Variants in AKAP19 observed in about 807,000 individuals in gnomAD.
AKAP19 encodes the protein small A-kinase anchoring protein.
the AKAP19 span, among the ~76,000 whole-genome samples, chr2:190,067,368 A>G: frequency 2.6e-5 from 4 of 152,196 alleles, no homozygotes; most frequent in Admixed American, 1.3e-4. Context: ...TTGGAGAACC[A>G]TATGCCCAAA....
the AKAP19 span, among the ~76,000 whole-genome samples, chr2:190,023,501 G>A: frequency 1.3e-5 from 2 of 151,988 alleles, no homozygotes; most frequent in Non-Finnish European, 2.9e-5. Context: ...ACTATAGAAT[G>A]ATCCTTGTGC....
the AKAP19 span, among the ~76,000 whole-genome samples, chr2:189,906,902 CA>C: frequency 6.6e-6 from 1 of 152,108 alleles, no homozygotes; most frequent in African/African-American, 2.4e-5. Context: ...GTGAAGATAG[CA>C]GGGTACTAAG....
chr2:190,196,611 A>G, the AKAP19 span, among the ~76,000 whole-genome samples: 7 of 151,496 alleles, frequency 4.6e-5, no homozygotes, highest in African/African-American at 1.7e-4. Flanking sequence ...AGGCATTGTG[A>G]ATAATACCTT....
chr2:190,154,792 C>T, the AKAP19 span, among the ~76,000 whole-genome samples: 1 of 152,322 alleles, frequency 6.6e-6, no homozygotes, highest in East Asian at 1.9e-4. Flanking sequence ...ATAAACTTCA[C>T]TCTTAGGGAG....
At chr2:190,197,225 T>C in the AKAP19 span, among the ~76,000 whole-genome samples, 3 of 152,194 alleles carry the variant, frequency 2.0e-5, no homozygotes, top group Non-Finnish European at 4.4e-5. This position sits in a 1 kb window ranked among gnomAD's most constrained non-coding sequence, Gnocchi z 4.0. Context: ...CATAGCCCTT[T>C]AAGAAAACAC....
the AKAP19 span, among the ~76,000 whole-genome samples, chr2:190,190,196 A>C: frequency 6.6e-6 from 1 of 152,202 alleles, no homozygotes; most frequent in East Asian, 1.9e-4. Context: ...AATAGCCTAG[A>C]AAGTTATTTC....
the AKAP19 span, among the ~76,000 whole-genome samples, chr2:190,036,807 T>C: frequency 2.0e-5 from 3 of 152,218 alleles, no homozygotes; most frequent in Non-Finnish European, 4.4e-5. Flanking sequence ...CCCTTAAGCA[T>C]AACAGATTAA....
At chr2:189,908,617 G>A in the AKAP19 span, among the ~76,000 whole-genome samples, 1 of 152,028 alleles carries the variant, frequency 6.6e-6, no homozygotes, top group East Asian at 1.9e-4. Context: ...TGACTCATTG[G>A]TTGTTCAGGA....
chr2:190,159,520 G>T, the AKAP19 span, among the ~76,000 whole-genome samples: 1 of 152,178 alleles, frequency 6.6e-6, no homozygotes, highest in African/African-American at 2.4e-5. Flanking sequence ...GACTGCTAGA[G>T]TGTTGTGGTT....
chr2:189,984,367 T>C, the AKAP19 span, among the ~76,000 whole-genome samples: 3 of 152,196 alleles, frequency 2.0e-5, no homozygotes, highest in African/African-American at 4.8e-5. Context: ...AATTCAGCAA[T>C]ATTTCTCCCA....
chr2:190,164,548 G>A, the AKAP19 span, among the ~76,000 whole-genome samples: 3 of 151,840 alleles, frequency 2.0e-5, no homozygotes, highest in African/African-American at 7.3e-5. Context: ...AAATAAGTAA[G>A]TTAATTAATT....
the AKAP19 span, chr2:190,137,976 G>C: frequency 8.6e-5 from 1 of 11,676 alleles, no homozygotes; most frequent in Non-Finnish European, 3.5e-4. Flanking sequence ...AACTATAATG[G>C]AATATATGTC....
the AKAP19 span, among the ~76,000 whole-genome samples, chr2:190,070,624 CT>C: frequency 1.3e-4 from 18 of 137,108 alleles, no homozygotes; most frequent in Non-Finnish European, 1.7e-4. Context: ...TCCCCCCCCC[CT>C]TTTTTTTTGG....
At chr2:190,086,148 G>A in the AKAP19 span, among the ~76,000 whole-genome samples, 97,469 of 152,056 alleles carry the variant, frequency 0.64, 34,248 homozygotes, top group East Asian at 0.84. Context: ...AGCACATTGC[G>A]GATGTTAACA....
chr2:189,929,159 A>G, the AKAP19 span, among the ~76,000 whole-genome samples: 10 of 152,126 alleles, frequency 6.6e-5, no homozygotes, highest in African/African-American at 2.4e-4. Context: ...TACTTGCTTC[A>G]TTTTGTCAGT....
chr2:189,904,578 G>C, the AKAP19 span, among the ~76,000 whole-genome samples: 1 of 151,952 alleles, frequency 6.6e-6, no homozygotes, highest in African/African-American at 2.4e-5. Flanking sequence ...TTATCGTTTT[G>C]AGGACAAAAA....
the AKAP19 span, among the ~76,000 whole-genome samples, chr2:189,973,006 C>T: frequency 6.6e-6 from 1 of 152,206 alleles, no homozygotes; most frequent in Non-Finnish European, 1.5e-5. Flanking sequence ...CTGGCCAGAA[C>T]TTCCAACACT....
the AKAP19 span, among the ~76,000 whole-genome samples, chr2:189,910,987 C>G: frequency 2.0e-5 from 3 of 151,886 alleles, no homozygotes; most frequent in Non-Finnish European, 4.4e-5. Context: ...AAAGGAAATT[C>G]CCTATATGTT....
the AKAP19 span, among the ~76,000 whole-genome samples, chr2:190,141,494 A>G: frequency 6.6e-6 from 1 of 152,186 alleles, no homozygotes; most frequent in East Asian, 1.9e-4. Flanking sequence ...TGGAAGGAGA[A>G]GCAAACACAT....
Sources: gnomAD v4.1 joint callset for allele counts (sites outside exome capture counted in the v4.1 genomes callset) on GRCh38, gnomAD v4.1.1 for gene constraint, Gnocchi (gnomAD v3.1) non-coding constraint, MANE v1.5 for transcripts, NCBI Gene and HGNC (gene_info 2026-07-23, HGNC 2026-07-21) for gene names.